The following PCDHGA6 variants were observed in gnomAD, a reference collection of about 807,000 sequenced individuals.
PCDHGA6 encodes protocadherin gamma-A6.
Under a neutral mutation model 60.6 loss-of-function variants are expected in PCDHGA6, and 41 were observed. That is an observed-to-expected ratio of 0.68 (90% CI 0.53 to 0.88). The LOEUF (loss-of-function observed/expected upper bound fraction) is 0.88. Among genes scored for constraint, PCDHGA6 ranks in the 40% least tolerant of loss-of-function variants. The pLI is 0.00. For missense variants in PCDHGA6, 1,312 were observed against 1,203.0 expected (o/e 1.09, Z -1.34); for synonymous variants, 594 against 524.4 (o/e 1.13, Z -1.81).
At chr5:141,426,480 C>T (rs1379758117) in intron 1 of PCDHGA6, 4 of 325,590 alleles carry the variant, frequency 1.2e-5, no homozygotes, top group Non-Finnish European at 1.8e-5. Flanking sequence ...TGACCTGAAA[C>T]CTTAGAGTTA....
In PCDHGA6 at chr5:141,489,153, G is replaced by C; in HGVS notation, c.2425-5654G>C. Reference sequence around the variant, plus strand: ...TTTAAGAGGCTGGAAGGAGACATAAGAGACTTCAGCTGCTGCATTCCAAGC... The same window carrying C: ...TTTAAGAGGCTGGAAGGAGACATAACAGACTTCAGCTGCTGCATTCCAAGC... On this transcript the variant is annotated intron_variant, in intron 1 of 3. Coordinates refer to ENST00000517434, the MANE Select transcript of PCDHGA6 (RefSeq NM_018919.3). This position sits in a 1 kb window ranked among gnomAD's most constrained non-coding sequence, Gnocchi z 4.5. 1 of 935,832 alleles carries C rather than the reference G, an allele frequency of 1.1e-6. No individual in the cohort carries two copies. Among genetic ancestry groups the C allele is most frequent in the Non-Finnish European group, 1.6e-6 (1 of 627,178 alleles). The allele number at this position is 935,832 out of a possible 1,614,324, so 58.0% of individuals were successfully genotyped here.
chr5:141,485,539 G>C lies in PCDHGA6; in HGVS notation c.2425-9268G>C, dbSNP rs370323886. The C allele has an allele frequency of 9.9e-6, 16 of 1,613,986 alleles. No homozygotes were observed. In the African/African-American group the frequency reaches 2.0e-4, roughly 20 times the overall value. On this transcript the variant is annotated intron_variant, in intron 1 of 3. Transcript: ENST00000517434. This position sits in a 1 kb window ranked among gnomAD's most constrained non-coding sequence, Gnocchi z 5.7. ...TGGAAATGTACCGAGCAGAGGTAGA[G>C]ATCGTAGATGTGAATGATCACGCCC... is the stretch of plus-strand genomic sequence containing the variant.
rs1471863168 is a variant in PCDHGA6, at chr5:141,476,550, G to A, written c.2425-18257G>A. ...ACCCAGGAAATGAAATTGGAGATTA[G>A]CGAGGCCGTGGCTCCGGGGACGCGC... On this transcript the variant is annotated intron_variant, in intron 1 of 3. Transcript: ENST00000517434. The surrounding 1 kb of genome is among the most constrained non-coding windows in gnomAD (Gnocchi z 7.6). 1.2e-6 allele frequency: 2 copies of A among 1,614,110 alleles called. No individual in the cohort carries two copies. The highest frequency in any genetic ancestry group is 4.5e-5 in the East Asian group (2 of 44,884).
At chr5:141,383,991 A>C in intron 1 of PCDHGA6, 1 of 1,613,866 alleles carries the variant, frequency 6.2e-7, no homozygotes, top group Non-Finnish European at 8.5e-7. Flanking sequence ...CTCTTGGGAC[A>C]GTCATTGCTC....
rs777566456 is a variant in PCDHGA6, at chr5:141,405,216, A to G, written c.2424+28709A>G. On this transcript the variant is annotated intron_variant, in intron 1 of 3. Coordinates refer to ENST00000517434, the MANE Select transcript of PCDHGA6 (RefSeq NM_018919.3). ...CGAGCTTTCCTACAGACCTATTCTCAGGAGTTCTCCCTCACCGCTGACTCA... is the reference window on the plus strand; with the variant it reads ...CGAGCTTTCCTACAGACCTATTCTCGGGAGTTCTCCCTCACCGCTGACTCA... 27 of 1,613,806 alleles carry G rather than the reference A, an allele frequency of 1.7e-5. No individual in the cohort carries two copies. In the Admixed American group the frequency reaches 2.7e-4, roughly 16 times the overall value.
chr5:141,497,775 A>G (rs2099779384), intron 2 of PCDHGA6, among the ~76,000 whole-genome samples: 2 of 152,054 alleles, frequency 1.3e-5, no homozygotes, highest in South Asian at 4.2e-4. Context: ...CCCGACCTCA[A>G]CTGATCCACC....
At chr5:141,409,792 C>T in intron 1 of PCDHGA6, 1 of 1,612,068 alleles carries the variant, frequency 6.2e-7, no homozygotes, top group African/African-American at 1.3e-5. Flanking sequence ...CCTTCGCGCT[C>T]ACGCTGCAGG....
At chr5:141,400,203 G>C in intron 1 of PCDHGA6, 1 of 1,613,996 alleles carries the variant, frequency 6.2e-7, no homozygotes, top group Non-Finnish European at 8.5e-7. Flanking sequence ...TGGTGGCCTT[G>C]GCCTTGATCT....
intron 2 of PCDHGA6, among the ~76,000 whole-genome samples, chr5:141,503,954 C>T (rs2099834393): frequency 6.6e-6 from 1 of 152,186 alleles, no homozygotes; most frequent in Non-Finnish European, 1.5e-5. Flanking sequence ...GCCTACCCTA[C>T]AGCCTTTCCC....
intron 1 of PCDHGA6, chr5:141,419,142 G>A (rs1351034238): frequency 6.2e-7 from 1 of 1,613,902 alleles, no homozygotes; most frequent in Non-Finnish European, 8.5e-7. Context: ...ACAGACAGGG[G>A]CAAGCCTCCG....
At chr5:141,424,668 A>G (rs1561816018) in intron 1 of PCDHGA6, 1 of 152,196 alleles carries the variant, frequency 6.6e-6, no homozygotes, top group Non-Finnish European at 1.5e-5. Flanking sequence ...AATTAAACTG[A>G]TTTAGCTAGT....
At chr5:141,389,363 C>A (rs776814041) in intron 1 of PCDHGA6, 5 of 1,613,868 alleles carry the variant, frequency 3.1e-6, no homozygotes, top group Non-Finnish European at 4.2e-6. Context: ...TGGCCAGTGA[C>A]CTGGAGCAGC....
chr5:141,404,681 C>T, intron 1 of PCDHGA6: 1 of 1,614,092 alleles, frequency 6.2e-7, no homozygotes, highest in Non-Finnish European at 8.5e-7. Context: ...TGGTGTGGAG[C>T]TGGCACCCCG....
intron 1 of PCDHGA6, chr5:141,414,700 A>G (rs886960965): frequency 6.2e-7 from 1 of 1,613,994 alleles, no homozygotes. Context: ...GTCCTCATAC[A>G]TATCCATCAA....
In PCDHGA6 at chr5:141,494,676, C is replaced by T. The variant is rs2099755997; in HGVS notation, c.2425-131C>T. On this transcript the variant is annotated intron_variant, in intron 1 of 3. Transcript: ENST00000517434. ...TTTGTCTTTGGAGATGAGTCCACCCCTGCCCCCTCTTAGTCCGTTTTCTTC... is the reference window on the plus strand; with the variant it reads ...TTTGTCTTTGGAGATGAGTCCACCCTTGCCCCCTCTTAGTCCGTTTTCTTC... 1.7e-5 allele frequency: 26 copies of T among 1,550,800 alleles called. No individual in the cohort carries two copies. In the South Asian group the frequency reaches 3.0e-4, roughly 18 times the overall value.
At chr5:141,428,021 C>A (rs1185050109) in intron 1 of PCDHGA6, 2 of 1,605,604 alleles carry the variant, frequency 1.2e-6, no homozygotes, top group Non-Finnish European at 1.7e-6. Flanking sequence ...TGCCACGCGC[C>A]GCAGAGTCCG....
chr5:141,453,732 C>T (rs182118864), intron 1 of PCDHGA6, among the ~76,000 whole-genome samples: 9 of 152,332 alleles, frequency 5.9e-5, no homozygotes. Context: ...TTTGTTACTA[C>T]AGCTTAAATA....
At chr5:141,504,995 G>A (rs1214858212) in intron 2 of PCDHGA6, among the ~76,000 whole-genome samples, 6 of 151,980 alleles carry the variant, frequency 3.9e-5, no homozygotes, top group African/African-American at 1.5e-4. Context: ...AACCCCGTCT[G>A]TACTAAAAAT....
chr5:141,384,934 G>C lies in PCDHGA6; in HGVS notation c.2424+8427G>C, dbSNP rs750109041. Reference sequence around the variant, plus strand: ...AGTCTTGGCCGACCTGGGCAGCCTTGAGCCCTCCGACGGTCCTTACAACTA... The same window carrying C: ...AGTCTTGGCCGACCTGGGCAGCCTTCAGCCCTCCGACGGTCCTTACAACTA... On this transcript the variant is annotated intron_variant, in intron 1 of 3. Coordinates refer to ENST00000517434, the MANE Select transcript of PCDHGA6 (RefSeq NM_018919.3). 2.9e-5 allele frequency: 47 copies of C among 1,614,050 alleles called. No homozygotes were observed. In the East Asian group the frequency reaches 1.0e-3, roughly 34 times the overall value.
Sources: allele counts gnomAD v4.1 joint callset (sites outside exome capture counted in the v4.1 genomes callset), GRCh38; gene constraint gnomAD v4.1.1; non-coding constraint Gnocchi (gnomAD v3.1); transcripts MANE v1.5; gene names NCBI Gene and HGNC (gene_info 2026-07-23, HGNC 2026-07-21).